Variants in ERC2 observed in about 807,000 individuals in gnomAD.
The protein encoded by ERC2 is ERC protein 2.
ERC2 carries 42 observed loss-of-function variants against 114.8 expected under a neutral mutation model. The observed-to-expected ratio is 0.37, with a 90% CI of 0.29 to 0.47. The LOEUF (loss-of-function observed/expected upper bound fraction) is 0.47. Ranked by LOEUF, ERC2 falls within the 20% of genes least tolerant of loss-of-function variation. ERC2 has a pLI of 0.99. For synonymous variants in ERC2, 454 were observed against 425.5 expected (o/e 1.07, Z -0.82); for missense variants, 939 against 1,150.7 (o/e 0.82, Z 2.66).
Position 55,863,963 on chromosome 3 carries a change from AAC to A in ERC2, c.2564+24424_2564+24425del, listed in dbSNP as rs142159776. Among the ~76,000 whole-genome samples the A allele has an allele frequency of 3.6e-4, 53 of 148,664 alleles. 1 individual carries two copies. Among genetic ancestry groups the A allele is most frequent in the South Asian group, 6.3e-4 (3 of 4,730 alleles). On this transcript the variant is annotated intron_variant, in intron 14 of 17. Transcript: ENST00000288221. ...AGTCTATAGTACCTATCCTCTCTGT[AAC>A]ACACACACACACACACTCAGAGTTA...
At chr3:56,127,039 T>C (rs1406784213) in intron 6 of ERC2, among the ~76,000 whole-genome samples, 6 of 151,874 alleles carry the variant, frequency 4.0e-5, no homozygotes, top group Admixed American at 6.6e-5. Context: ...TGGAGAACTA[T>C]GTAAAAAAGA....
intron 15 of ERC2, among the ~76,000 whole-genome samples, chr3:55,729,698 C>T (rs1319396744): frequency 6.6e-6 from 1 of 151,538 alleles, no homozygotes; most frequent in African/African-American, 2.4e-5. Context: ...ACAAGCTAGG[C>T]ATGGTTGTGC....
intron 13 of ERC2, among the ~76,000 whole-genome samples, chr3:55,926,415 T>TTAA (rs112688151): frequency 0.035 from 5,183 of 148,362 alleles, 190 homozygotes; most frequent in African/African-American, 0.087. Context: ...TTTTTGTTTT[T>TTAA]AAAAAAAAAA....
intron 17 of ERC2, among the ~76,000 whole-genome samples, chr3:55,563,754 G>A (rs1244214945): frequency 6.6e-6 from 1 of 152,176 alleles, no homozygotes; most frequent in Admixed American, 6.5e-5. Context: ...CAACAGGGGT[G>A]GGAGAGATGG....
intron 14 of ERC2, among the ~76,000 whole-genome samples, chr3:55,854,954 G>A (rs2061728736): frequency 6.6e-6 from 1 of 152,112 alleles, no homozygotes; most frequent in African/African-American, 2.4e-5. Context: ...ATCCTTGTTT[G>A]ATGTGGGTCT....
intron 7 of ERC2, among the ~76,000 whole-genome samples, chr3:56,029,656 C>G (rs1375391090): frequency 1.3e-5 from 2 of 152,108 alleles, no homozygotes; most frequent in Non-Finnish European, 2.9e-5. Flanking sequence ...CTAATAGCTA[C>G]AGGAACTGTA....
At chr3:56,293,247 A>G (rs2055209713) in intron 3 of ERC2, among the ~76,000 whole-genome samples, 1 of 152,246 alleles carries the variant, frequency 6.6e-6, no homozygotes, top group African/African-American at 2.4e-5. Flanking sequence ...GTGAGTGGTT[A>G]ATACACACAT....
chr3:55,997,880 GT>G (rs869077498), intron 10 of ERC2, among the ~76,000 whole-genome samples: 40 of 44,772 alleles, frequency 8.9e-4, no homozygotes, highest in Admixed American at 1.3e-3. Flanking sequence ...TCTTAATTCT[GT>G]TTTTTTTTTT....
At chr3:55,770,713 G>C (rs1019780400) in intron 14 of ERC2, among the ~76,000 whole-genome samples, 7 of 152,210 alleles carry the variant, frequency 4.6e-5, no homozygotes, top group Non-Finnish European at 7.4e-5. Flanking sequence ...TTGTTACATA[G>C]GTACACATGT....
At chr3:56,234,006 T>C (rs1311887880) in intron 3 of ERC2, among the ~76,000 whole-genome samples, 1 of 152,232 alleles carries the variant, frequency 6.6e-6, no homozygotes, top group African/African-American at 2.4e-5. Flanking sequence ...CCTATTGTCA[T>C]GTAAAATAAC....
At chr3:55,543,576 G>A (rs2054544838) in intron 17 of ERC2, among the ~76,000 whole-genome samples, 1 of 152,172 alleles carries the variant, frequency 6.6e-6, no homozygotes. Context: ...GATGGTTCAT[G>A]CAGATGACAT....
At chr3:56,002,986 G>C (rs1198087219) in intron 10 of ERC2, 5 of 630,258 alleles carry the variant, frequency 7.9e-6, no homozygotes, top group South Asian at 1.5e-5. Flanking sequence ...GAACGGAAAG[G>C]GGAAGAAACT....
intron 6 of ERC2, among the ~76,000 whole-genome samples, chr3:56,109,638 G>T (rs1450267856): frequency 6.6e-6 from 1 of 152,180 alleles, no homozygotes; most frequent in East Asian, 1.9e-4. Flanking sequence ...CATCTCTTGG[G>T]TAGAATGAAT....
intron 3 of ERC2, among the ~76,000 whole-genome samples, chr3:56,245,514 G>A (rs923097797): frequency 3.2e-5 from 1 of 30,788 alleles, no homozygotes; most frequent in African/African-American, 1.6e-4. Flanking sequence ...GGTATGTTGT[G>A]TGTGTGTGTG....
At chr3:56,404,855 C>T (rs1264973417) in intron 2 of ERC2, among the ~76,000 whole-genome samples, 1 of 152,064 alleles carries the variant, frequency 6.6e-6, no homozygotes, top group African/African-American at 2.4e-5. Context: ...ATACAATCAA[C>T]ATGCTGTAAA....
intron 2 of ERC2, among the ~76,000 whole-genome samples, chr3:56,360,059 A>ATTT (rs2058889653): frequency 8.9e-6 from 1 of 112,780 alleles, no homozygotes; most frequent in Non-Finnish European, 1.8e-5. Flanking sequence ...AGTAACAAAA[A>ATTT]TCTTTTTTTT....
intron 17 of ERC2, among the ~76,000 whole-genome samples, chr3:55,633,206 C>A (rs2059825891): frequency 6.6e-6 from 1 of 152,112 alleles, no homozygotes; most frequent in South Asian, 2.1e-4. Flanking sequence ...ATAACATAAT[C>A]CAGGGTAGAA....
intron 14 of ERC2, among the ~76,000 whole-genome samples, chr3:55,780,857 T>C (rs1312203477): frequency 6.6e-6 from 1 of 152,196 alleles, no homozygotes; most frequent in African/African-American, 2.4e-5. Context: ...CACCAGGGCA[T>C]CTGATTCTGT....
chr3:56,294,533 C>T (rs140917238), intron 3 of ERC2, among the ~76,000 whole-genome samples: 5 of 152,344 alleles, frequency 3.3e-5, no homozygotes, highest in African/African-American at 1.2e-4. Context: ...CAGTTCCTTA[C>T]CACATGGGCC....
Sources: gnomAD v4.1 joint callset for allele counts (sites outside exome capture counted in the v4.1 genomes callset) on GRCh38, gnomAD v4.1.1 for gene constraint, MANE v1.5 for transcripts, NCBI Gene and HGNC (gene_info 2026-07-23, HGNC 2026-07-21) for gene names.